TRMT11: variants seen among roughly 807,000 people sequenced by gnomAD.
TRMT11 encodes the protein tRNA methyltransferase 11.
Under a neutral mutation model 62.8 loss-of-function variants are expected in TRMT11, and 53 were observed. The observed-to-expected ratio is 0.84, with a 90% CI of 0.68 to 1.06. The LOEUF is 1.06. Ranked by LOEUF, TRMT11 falls within the 50% of genes least tolerant of loss-of-function variation. The pLI is 0.00. For missense variants in TRMT11, 556 were observed against 553.4 expected (o/e 1.00, Z -0.05); for synonymous variants, 188 against 190.3 (o/e 0.99, Z 0.10).
chr6:126,163,772 T>G (rs900728364), intron 21 of TRMT11, among the ~76,000 whole-genome samples: 1 of 152,216 alleles, frequency 6.6e-6, no homozygotes, highest in African/African-American at 2.4e-5. Flanking sequence ...GAGGTGTTTA[T>G]AGTATTCTCT....
chr6:126,167,380 C>G (rs915615489), intron 21 of TRMT11, among the ~76,000 whole-genome samples: 1 of 152,182 alleles, frequency 6.6e-6, no homozygotes, highest in South Asian at 2.1e-4. Context: ...GTTCTCTGAC[C>G]CCTTGCACTT....
chr6:126,256,954 C>T, the TRMT11 span, among the ~76,000 whole-genome samples: 2 of 152,024 alleles, frequency 1.3e-5, no homozygotes, highest in South Asian at 2.1e-4. Context: ...GGTGCAATCT[C>T]GGTTCACTGC....
chr6:126,025,437 A>G lies in TRMT11; in HGVS notation c.1260+4157A>G, dbSNP rs1029785046. Among the ~76,000 whole-genome samples, 7 of 152,330 alleles carry G rather than the reference A, an allele frequency of 4.6e-5. No homozygotes were observed. In the East Asian group the frequency reaches 1.3e-3, roughly 29 times the overall value. ...TTGTTCTTTTCCAATTGATTTAAAAAAACAACAACAAGGAAAAGCCTCAAG... is the reference window on the plus strand; with the variant it reads ...TTGTTCTTTTCCAATTGATTTAAAAGAACAACAACAAGGAAAAGCCTCAAG... On this transcript the variant is annotated intron_variant, in intron 12 of 12. Coordinates refer to ENST00000334379, the MANE Select transcript of TRMT11 (RefSeq NM_001031712.3).
At chr6:126,064,419 G>A (rs532288361) in intron 17 of TRMT11, among the ~76,000 whole-genome samples, 1 of 152,134 alleles carries the variant, frequency 6.6e-6, no homozygotes, top group African/African-American at 2.4e-5. Flanking sequence ...ATACACAGCT[G>A]CTGGGGTAGC....
intron 12 of TRMT11, among the ~76,000 whole-genome samples, chr6:126,031,327 C>T (rs1415960604): frequency 6.6e-6 from 1 of 152,102 alleles, no homozygotes; most frequent in Non-Finnish European, 1.5e-5. Flanking sequence ...GAGAGGAAGG[C>T]CATAGTTTTC....
intron 1 of TRMT11, among the ~76,000 whole-genome samples, chr6:126,190,547 A>G (rs906952665): frequency 8.5e-5 from 13 of 152,080 alleles, no homozygotes; most frequent in Non-Finnish European, 1.9e-4. Context: ...TCCTTCCTTT[A>G]TAATTACCCA....
intron 17 of TRMT11, among the ~76,000 whole-genome samples, chr6:126,064,014 C>T (rs937819107): frequency 3.3e-5 from 5 of 152,144 alleles, no homozygotes; most frequent in African/African-American, 1.2e-4. Flanking sequence ...TATGATTTGG[C>T]ATCTTACATT....
chr6:126,251,354 A>G, the TRMT11 span, among the ~76,000 whole-genome samples: 1 of 152,114 alleles, frequency 6.6e-6, no homozygotes, highest in Non-Finnish European at 1.5e-5. Context: ...TTAAAAATTG[A>G]CATAAAATTA....
intron 11 of TRMT11, among the ~76,000 whole-genome samples, chr6:126,015,235 C>CT (rs145367544): frequency 0.035 from 5,379 of 151,780 alleles, 330 homozygotes; most frequent in African/African-American, 0.12. Flanking sequence ...TATCACTAAT[C>CT]TTTTTTTTGA....
intron 16 of TRMT11, among the ~76,000 whole-genome samples, chr6:126,047,323 A>G (rs1776088782): frequency 6.6e-6 from 1 of 151,084 alleles, no homozygotes; most frequent in Non-Finnish European, 1.5e-5. Flanking sequence ...CCACAAGCAG[A>G]AGAGTGGCAG....
At chr6:126,165,201 C>T (rs1778244251) in intron 21 of TRMT11, among the ~76,000 whole-genome samples, 1 of 151,476 alleles carries the variant, frequency 6.6e-6, no homozygotes, top group Non-Finnish European at 1.5e-5. Flanking sequence ...TCACTTGAAC[C>T]TGGGAGACGG....
intron 21 of TRMT11, among the ~76,000 whole-genome samples, chr6:126,154,593 T>C (rs1778096491): frequency 1.3e-5 from 2 of 152,304 alleles, no homozygotes; most frequent in South Asian, 4.1e-4. Flanking sequence ...CCAGTTGATT[T>C]TTCTTAGCCA....
At chr6:126,183,474 A>G (rs1778491348) in intron 1 of TRMT11, among the ~76,000 whole-genome samples, 1 of 152,142 alleles carries the variant, frequency 6.6e-6, no homozygotes, top group Admixed American at 6.5e-5. Flanking sequence ...TAGGTCCCCA[A>G]AGTGTGCAGC....
At chr6:126,133,993 A>G (rs1777820414) in intron 21 of TRMT11, among the ~76,000 whole-genome samples, 1 of 151,884 alleles carries the variant, frequency 6.6e-6, no homozygotes, top group Non-Finnish European at 1.5e-5. Flanking sequence ...TTTTCTTCTC[A>G]TATTTGGGTA....
intron 21 of TRMT11, among the ~76,000 whole-genome samples, chr6:126,148,703 A>G (rs1052864384): frequency 1.3e-5 from 2 of 152,208 alleles, no homozygotes; most frequent in African/African-American, 4.8e-5. Flanking sequence ...GTAAAAACTA[A>G]AAGAGAGTCA....
At chr6:126,134,446 C>A (rs1777826424) in intron 21 of TRMT11, among the ~76,000 whole-genome samples, 1 of 151,728 alleles carries the variant, frequency 6.6e-6, no homozygotes. Flanking sequence ...AGCAAGAGGA[C>A]ATACCATAGT....
At chr6:126,179,455 T>C (rs1359904186) in intron 1 of TRMT11, among the ~76,000 whole-genome samples, 1 of 152,196 alleles carries the variant, frequency 6.6e-6, no homozygotes, top group Non-Finnish European at 1.5e-5. Flanking sequence ...ATCAGCAGCA[T>C]GTGACAGTGT....
chr6:126,032,407 C>T (rs1774364384), intron 12 of TRMT11, among the ~76,000 whole-genome samples: 1 of 152,128 alleles, frequency 6.6e-6, no homozygotes, highest in Non-Finnish European at 1.5e-5. Flanking sequence ...TTTTGCTTAC[C>T]AGTTGTTATC....
intron 3 of TRMT11, among the ~76,000 whole-genome samples, chr6:126,201,452 A>T (rs1319943988): frequency 6.6e-6 from 1 of 152,182 alleles, no homozygotes; most frequent in Non-Finnish European, 1.5e-5. Context: ...TCCATATGGG[A>T]CCATTGCCTT....
Sources: allele counts gnomAD v4.1 joint callset (sites outside exome capture counted in the v4.1 genomes callset), GRCh38; gene constraint gnomAD v4.1.1; transcripts MANE v1.5; gene names NCBI Gene and HGNC (gene_info 2026-07-23, HGNC 2026-07-21).